The following KCNIP4 variants were observed in gnomAD, a reference collection of about 807,000 sequenced individuals.
KCNIP4 encodes potassium voltage-gated channel interacting protein 4.
Under a neutral mutation model 34.0 loss-of-function variants are expected in KCNIP4, and 12 were observed. That is an observed-to-expected ratio of 0.35 (90% CI 0.23 to 0.57). The LOEUF is 0.57. KCNIP4 is among the 20% of genes least tolerant of loss of function. The pLI, the probability that KCNIP4 is intolerant of heterozygous loss-of-function variation, is 0.83. For synonymous variants in KCNIP4, 124 were observed against 102.2 expected, an observed-to-expected ratio of 1.21 and a Z score of -1.29; for missense variants, 238 against 311.7, an observed-to-expected ratio of 0.76 and a Z score of 1.78.
At chr4:21,837,200 G>A (rs886792375) in intron 1 of KCNIP4, among the ~76,000 whole-genome samples, 1 of 149,628 alleles carries the variant, frequency 6.7e-6, no homozygotes, top group African/African-American at 2.4e-5. Context: ...TTACAGGCGT[G>A]AGCCCCGCGA....
chr4:21,805,091 C>T lies in KCNIP4; in HGVS notation c.61+143480G>A, dbSNP rs564500154. ...AGGGCTGAGAAGGCAGAAGGACATA[C>T]AGCCTTTTGAACATCCACATGTGGT... On this transcript the variant is annotated intron_variant, in intron 1 of 8. Transcript: ENST00000382152. Among the ~76,000 whole-genome samples, 16 of 152,332 alleles carry T rather than the reference C, an allele frequency of 1.1e-4. No homozygotes were observed. The East Asian group carries it at 3.1e-3, about 29-fold the overall frequency.
At chr4:21,256,860 C>CTGA (rs1761094020) in intron 1 of KCNIP4, among the ~76,000 whole-genome samples, 1 of 152,172 alleles carries the variant, frequency 6.6e-6, no homozygotes, top group Admixed American at 6.5e-5. Flanking sequence ...TGAGATTGGG[C>CTGA]TGATGGCTGT....
intron 4 of KCNIP4, among the ~76,000 whole-genome samples, chr4:20,758,431 G>A (rs1321458712): frequency 2.0e-5 from 3 of 152,074 alleles, no homozygotes; most frequent in Non-Finnish European, 4.4e-5. Context: ...CCAATCCCCA[G>A]ATTTCATATC....
At chr4:21,230,503 T>A (rs1758714628) in intron 1 of KCNIP4, among the ~76,000 whole-genome samples, 2 of 152,236 alleles carry the variant, frequency 1.3e-5, no homozygotes, top group South Asian at 4.1e-4. Context: ...TGCCTCTCCC[T>A]AATCCCCTGA....
At chr4:20,837,052 T>C (rs565908347) in intron 3 of KCNIP4, among the ~76,000 whole-genome samples, 1 of 152,278 alleles carries the variant, frequency 6.6e-6, no homozygotes, top group African/African-American at 2.4e-5. Context: ...AGTAAGTAGT[T>C]GGTGCTCGAT....
chr4:21,121,160 A>G (rs1577727945), intron 1 of KCNIP4, among the ~76,000 whole-genome samples: 1 of 152,158 alleles, frequency 6.6e-6, no homozygotes, highest in East Asian at 1.9e-4. Context: ...ACAACTACCA[A>G]AGCTATTCCA....
intron 1 of KCNIP4, among the ~76,000 whole-genome samples, chr4:21,269,795 G>A (rs1228859258): frequency 1.3e-5 from 2 of 152,058 alleles, no homozygotes; most frequent in East Asian, 1.9e-4. Context: ...AAGTTGGGGG[G>A]AAGAAAAGGA....
intron 1 of KCNIP4, among the ~76,000 whole-genome samples, chr4:21,382,290 C>T (rs778244731): frequency 2.0e-5 from 3 of 152,102 alleles, no homozygotes; most frequent in Non-Finnish European, 4.4e-5. Context: ...AAGACTATGG[C>T]TTTTATTCTA....
At chr4:21,130,877 C>T (rs1189250888) in intron 1 of KCNIP4, among the ~76,000 whole-genome samples, 2 of 152,078 alleles carry the variant, frequency 1.3e-5, no homozygotes, top group African/African-American at 2.4e-5. Flanking sequence ...CCAATATATC[C>T]ATCATAATTC....
intron 1 of KCNIP4, among the ~76,000 whole-genome samples, chr4:21,569,409 T>C (rs947812990): frequency 3.9e-5 from 6 of 151,938 alleles, no homozygotes; most frequent in Admixed American, 3.3e-4. Flanking sequence ...GAAAGAATTA[T>C]AAAGAAAGTA....
At chr4:21,134,297 T>C (rs1051542260) in intron 1 of KCNIP4, among the ~76,000 whole-genome samples, 5 of 152,210 alleles carry the variant, frequency 3.3e-5, no homozygotes, top group Admixed American at 6.5e-5. Context: ...ATTTAAAAAA[T>C]AGTAAACATA....
rs866284636 is a variant in KCNIP4, at chr4:21,806,565, T to C, written c.61+142006A>G. 3.9e-5 allele frequency among the ~76,000 whole-genome samples: 6 copies of C among 152,214 alleles called. No homozygotes were observed. In the South Asian group the frequency reaches 1.0e-3, roughly 26 times the overall value. ...TTTAGTTATACTCTTTCAATAAATA[T>C]GTAGACTACCTGTCACATTTCAGGC... On this transcript the variant is annotated intron_variant, in intron 1 of 8. Transcript: ENST00000382152.
At chr4:21,025,602 A>AGCTG (rs1740488961) in intron 1 of KCNIP4, among the ~76,000 whole-genome samples, 1 of 123,712 alleles carries the variant, frequency 8.1e-6, no homozygotes, top group Non-Finnish European at 1.6e-5. Flanking sequence ...TGCCCAGGCT[A>AGCTG]GAGTGCAGTG....
chr4:21,687,310 A>G (rs1266773005), intron 1 of KCNIP4, among the ~76,000 whole-genome samples: 1 of 144,602 alleles, frequency 6.9e-6, no homozygotes, highest in East Asian at 2.0e-4. Flanking sequence ...CCTAAAACTT[A>G]AAGTATAAAA....
intron 1 of KCNIP4, among the ~76,000 whole-genome samples, chr4:21,795,287 C>T (rs957712351): frequency 6.6e-6 from 1 of 152,156 alleles, no homozygotes; most frequent in African/African-American, 2.4e-5. Flanking sequence ...AAAAGCAAGG[C>T]CTCAGAAGAA....
intron 4 of KCNIP4, among the ~76,000 whole-genome samples, chr4:20,751,448 G>A (rs755773490): frequency 6.6e-6 from 1 of 152,034 alleles, no homozygotes; most frequent in Non-Finnish European, 1.5e-5. Context: ...TTTACTCTCA[G>A]CAGTACTTTT....
intron 1 of KCNIP4, among the ~76,000 whole-genome samples, chr4:21,930,261 T>C (rs1272931024): frequency 6.6e-6 from 1 of 152,148 alleles, no homozygotes; most frequent in African/African-American, 2.4e-5. Flanking sequence ...ACAGATTGTC[T>C]TCTTGATTAT....
chr4:21,756,304 C>T (rs1474071977), intron 1 of KCNIP4, among the ~76,000 whole-genome samples: 1 of 152,064 alleles, frequency 6.6e-6, no homozygotes, highest in African/African-American at 2.4e-5. Flanking sequence ...GCCTGTAATC[C>T]CACCACTTTG....
chr4:20,916,209 C>G (rs1338980067), intron 1 of KCNIP4: 1 of 449,972 alleles, frequency 2.2e-6, no homozygotes, highest in South Asian at 9.4e-5. Flanking sequence ...ATAAAATGAC[C>G]CCTAACTCTC....
Sources: gnomAD v4.1 joint callset for allele counts (sites outside exome capture counted in the v4.1 genomes callset) on GRCh38, gnomAD v4.1.1 for gene constraint, MANE v1.5 for transcripts, NCBI Gene and HGNC (gene_info 2026-07-23, HGNC 2026-07-21) for gene names.